Variants in CFAP96 observed in about 807,000 individuals in gnomAD.
The protein encoded by CFAP96 is cilia and flagella associated protein 96.
the CFAP96 span, among the ~76,000 whole-genome samples, chr4:185,447,643 T>C: frequency 6.8e-6 from 1 of 148,114 alleles, no homozygotes; most frequent in Non-Finnish European, 1.5e-5. Context: ...GACATCTGTA[T>C]TAAGCCATGT....
At chr4:185,427,093 A>G in the CFAP96 span, among the ~76,000 whole-genome samples, 1 of 151,434 alleles carries the variant, frequency 6.6e-6, no homozygotes, top group Non-Finnish European at 1.5e-5. Flanking sequence ...ATAAGAAAAA[A>G]GTTAAGTGAT....
At chr4:185,429,340 G>A in the CFAP96 span, 2 of 784,662 alleles carry the variant, frequency 2.5e-6, no homozygotes, top group South Asian at 4.5e-5. Flanking sequence ...GTAGGACTTT[G>A]CTATAAAACA....
chr4:185,441,987 C>T, the CFAP96 span, among the ~76,000 whole-genome samples: 4 of 152,038 alleles, frequency 2.6e-5, no homozygotes, highest in Non-Finnish European at 5.9e-5. Context: ...TGGAATAATT[C>T]ATTTTTAACA....
At chr4:185,415,920 AAAGAGT>A in the CFAP96 span, 6 of 1,428,028 alleles carry the variant, frequency 4.2e-6, no homozygotes, top group Non-Finnish European at 5.7e-6. Context: ...CACTAAATAT[AAAGAGT>A]AAGTAAAAAG....
the CFAP96 span, among the ~76,000 whole-genome samples, chr4:185,430,193 G>A: frequency 6.6e-6 from 1 of 152,116 alleles, no homozygotes; most frequent in African/African-American, 2.4e-5. Context: ...CTAAGTGAAT[G>A]GCTGAGGGAT....
At chr4:185,436,055 A>T in the CFAP96 span, 1 of 1,541,152 alleles carries the variant, frequency 6.5e-7, no homozygotes, top group Non-Finnish European at 8.7e-7. Flanking sequence ...GATGTGGCTT[A>T]GGAAGCTACT....
At chr4:185,435,968 T>C in the CFAP96 span, 1 of 1,188,388 alleles carries the variant, frequency 8.4e-7, no homozygotes, top group Non-Finnish European at 1.1e-6. Flanking sequence ...TCAATCTGTT[T>C]AAAAATTATG....
At chr4:185,443,921 C>CTTTTTTTTTTTTTTTTTTTTTT in the CFAP96 span, among the ~76,000 whole-genome samples, 1 of 82,856 alleles carries the variant, frequency 1.2e-5, no homozygotes, top group African/African-American at 4.7e-5. Context: ...CTATATCTTT[C>CTTTTTTTTTTTTTTTTTTTTTT]TTTTTTTTTT....
the CFAP96 span, among the ~76,000 whole-genome samples, chr4:185,443,066 T>C: frequency 6.6e-6 from 1 of 151,978 alleles, no homozygotes; most frequent in African/African-American, 2.4e-5. Flanking sequence ...TTTGTGTTTC[T>C]ATGTTCTATA....
the CFAP96 span, chr4:185,425,843 C>G: frequency 6.2e-7 from 1 of 1,601,888 alleles, no homozygotes; most frequent in East Asian, 2.3e-5. Context: ...ACACAGGGGT[C>G]GGTGACGAGC....
the CFAP96 span, among the ~76,000 whole-genome samples, chr4:185,427,405 T>C: frequency 6.6e-6 from 1 of 152,238 alleles, no homozygotes; most frequent in Non-Finnish European, 1.5e-5. Flanking sequence ...CAATGATTCA[T>C]GCTCAGGTGA....
the CFAP96 span, among the ~76,000 whole-genome samples, chr4:185,447,695 G>A: frequency 6.6e-6 from 1 of 152,078 alleles, no homozygotes; most frequent in Non-Finnish European, 1.5e-5. Context: ...TCTTTCCTAT[G>A]AATTCAATTT....
At chr4:185,445,446 G>A in the CFAP96 span, 6 of 1,225,782 alleles carry the variant, frequency 4.9e-6, no homozygotes, top group South Asian at 7.7e-5. Context: ...TCAGTTAGCA[G>A]TACAATTAAC....
At chr4:185,439,712 C>T in the CFAP96 span, among the ~76,000 whole-genome samples, 1 of 147,642 alleles carries the variant, frequency 6.8e-6, no homozygotes, top group Non-Finnish European at 1.5e-5. Context: ...TACTAGATAG[C>T]AAAAAAATTA....
chr4:185,425,948 C>A, the CFAP96 span: 5 of 1,528,500 alleles, frequency 3.3e-6, no homozygotes, highest in Non-Finnish European at 4.4e-6. Context: ...TGTCACCGCA[C>A]GGCCCAGGGG....
At chr4:185,447,494 T>C in the CFAP96 span, among the ~76,000 whole-genome samples, 1 of 152,200 alleles carries the variant, frequency 6.6e-6, no homozygotes, top group Non-Finnish European at 1.5e-5. Context: ...TTATATTTTT[T>C]CAAAACATTT....
the CFAP96 span, among the ~76,000 whole-genome samples, chr4:185,436,725 A>AATAATAATAATAATAATT: frequency 2.7e-5 from 4 of 148,874 alleles, no homozygotes; most frequent in Non-Finnish European, 5.9e-5. Flanking sequence ...TAATAATAAT[A>AATAATAATAATAATAATT]ATAATAATAA....
chr4:185,447,252 G>A, the CFAP96 span, among the ~76,000 whole-genome samples: 2 of 151,668 alleles, frequency 1.3e-5, no homozygotes, highest in Non-Finnish European at 2.9e-5. Flanking sequence ...CACGATCTCG[G>A]CTCACTGCAA....
chr4:185,410,307 A>G, the CFAP96 span, among the ~76,000 whole-genome samples: 1 of 152,220 alleles, frequency 6.6e-6, no homozygotes, highest in Non-Finnish European at 1.5e-5. Context: ...AACCTATAAG[A>G]TACACTAAAA....
Sources: gnomAD v4.1 joint callset for allele counts (sites outside exome capture counted in the v4.1 genomes callset) on GRCh38, gnomAD v4.1.1 for gene constraint, MANE v1.5 for transcripts, NCBI Gene and HGNC (gene_info 2026-07-23, HGNC 2026-07-21) for gene names.